Variants in MAGI1 observed in about 807,000 individuals in gnomAD.
MAGI1 encodes the protein membrane associated guanylate kinase, WW and PDZ domain containing 1.
Under a neutral mutation model 139.9 loss-of-function variants are expected in MAGI1, and 58 were observed. That is an observed-to-expected ratio of 0.41 (90% CI 0.34 to 0.52). MAGI1 has a LOEUF of 0.52. Among genes scored for constraint, MAGI1 ranks in the 20% least tolerant of loss-of-function variants. The pLI is 0.12. For synonymous variants in MAGI1, 812 were observed against 737.9 expected (o/e 1.10, Z -1.63); for missense variants, 1,874 against 1,901.6 (o/e 0.99, Z 0.27).
At chr3:65,681,855 T>C (rs537364158) in intron 1 of MAGI1, among the ~76,000 whole-genome samples, 3 of 152,152 alleles carry the variant, frequency 2.0e-5, no homozygotes, top group Non-Finnish European at 2.9e-5. Context: ...TTGGCTTTTT[T>C]TGTTTTTTTG....
intron 2 of MAGI1, among the ~76,000 whole-genome samples, chr3:65,559,762 C>T (rs2080252208): frequency 6.6e-6 from 1 of 152,202 alleles, no homozygotes; most frequent in Non-Finnish European, 1.5e-5. Context: ...CTTGGCCTGG[C>T]ATGGTGGCTC....
intron 1 of MAGI1, chr3:65,844,088 G>C: frequency 2.0e-6 from 1 of 493,940 alleles, no homozygotes; most frequent in South Asian, 1.5e-5. Context: ...CAACAGTGGA[G>C]TTGGTAGGTG....
intron 1 of MAGI1, among the ~76,000 whole-genome samples, chr3:65,736,265 T>C (rs960720758): frequency 1.3e-5 from 2 of 152,188 alleles, no homozygotes; most frequent in Non-Finnish European, 2.9e-5. Flanking sequence ...CTATGTGGGA[T>C]CTTCCAGTGG....
chr3:65,849,001 C>CTTTTTTTTTTTTTTTTTT (rs558270441), intron 1 of MAGI1, among the ~76,000 whole-genome samples: 4 of 39,644 alleles, frequency 1.0e-4, no homozygotes, highest in Non-Finnish European at 1.4e-4. Flanking sequence ...TCAGAGCATT[C>CTTTTTTTTTTTTTTTTTT]TTTTTTTTTT....
At chr3:65,965,448 A>C (rs2064692428) in intron 1 of MAGI1, among the ~76,000 whole-genome samples, 1 of 152,250 alleles carries the variant, frequency 6.6e-6, no homozygotes, top group Non-Finnish European at 1.5e-5. Context: ...ATTGAAAGCA[A>C]AATCTTGCCA....
At chr3:65,652,878 CT>C (rs2085663523) in intron 1 of MAGI1, among the ~76,000 whole-genome samples, 1 of 152,108 alleles carries the variant, frequency 6.6e-6, no homozygotes, top group Non-Finnish European at 1.5e-5. Flanking sequence ...TGGGGCATAC[CT>C]GAGAAAGCCA....
chr3:65,728,286 G>A (rs999440496), intron 1 of MAGI1, among the ~76,000 whole-genome samples: 1 of 152,148 alleles, frequency 6.6e-6, no homozygotes, highest in African/African-American at 2.4e-5. Flanking sequence ...AGGATGATTG[G>A]AGCTGGAGCA....
At chr3:65,609,358 A>T (rs1426322128) in intron 2 of MAGI1, among the ~76,000 whole-genome samples, 2 of 151,458 alleles carry the variant, frequency 1.3e-5, no homozygotes, top group East Asian at 3.9e-4. Flanking sequence ...ACTCACTGCA[A>T]CCTCTGCCTC....
intron 22 of MAGI1, among the ~76,000 whole-genome samples, chr3:65,358,591 A>C (rs2106691578): frequency 6.6e-6 from 1 of 152,310 alleles, no homozygotes; most frequent in African/African-American, 2.4e-5. Flanking sequence ...TGGTATAAAA[A>C]CACAGGCAAC....
At chr3:65,623,398 T>A (rs1375232040) in intron 1 of MAGI1, among the ~76,000 whole-genome samples, 1 of 152,132 alleles carries the variant, frequency 6.6e-6, no homozygotes, top group Non-Finnish European at 1.5e-5. Context: ...AGAGATACAT[T>A]TGAAAAAATC....
chr3:65,767,217 G>A (rs1316514855), intron 1 of MAGI1, among the ~76,000 whole-genome samples: 1 of 152,058 alleles, frequency 6.6e-6, no homozygotes, highest in African/African-American at 2.4e-5. Context: ...ACCCAAGCAA[G>A]AGTGTTATCC....
intron 8 of MAGI1, among the ~76,000 whole-genome samples, chr3:65,441,955 C>G (rs994556050): frequency 1.3e-5 from 2 of 152,110 alleles, no homozygotes; most frequent in African/African-American, 4.8e-5. Flanking sequence ...GAAAATATGA[C>G]AGTTACATCT....
At chr3:65,537,083 C>G (rs894524239) in intron 2 of MAGI1, among the ~76,000 whole-genome samples, 3 of 152,146 alleles carry the variant, frequency 2.0e-5, no homozygotes, top group Admixed American at 6.5e-5. Context: ...TCATAAAACT[C>G]AAGTCCTTTA....
At chr3:65,886,740 T>G (rs952941025) in intron 1 of MAGI1, among the ~76,000 whole-genome samples, 1 of 152,216 alleles carries the variant, frequency 6.6e-6, no homozygotes, top group Non-Finnish European at 1.5e-5. Context: ...CGTAGGACTG[T>G]TACATGGCTA....
At chr3:65,370,047 A>G (rs1941830488) in intron 18 of MAGI1, among the ~76,000 whole-genome samples, 1 of 152,220 alleles carries the variant, frequency 6.6e-6, no homozygotes, top group Non-Finnish European at 1.5e-5. Context: ...ACTGAACTGT[A>G]ATGCTCACTC....
intron 1 of MAGI1, among the ~76,000 whole-genome samples, chr3:65,719,480 C>T (rs2032734011): frequency 6.6e-6 from 1 of 151,548 alleles, no homozygotes; most frequent in South Asian, 2.1e-4. Flanking sequence ...AATAAATATT[C>T]ATCTATAACA....
chr3:65,815,358 T>C (rs369925760), intron 1 of MAGI1, among the ~76,000 whole-genome samples: 38 of 152,288 alleles, frequency 2.5e-4, no homozygotes, highest in African/African-American at 8.7e-4. Flanking sequence ...TTTTCATTCA[T>C]TCCAACTGAG....
intron 1 of MAGI1, among the ~76,000 whole-genome samples, chr3:65,897,826 G>A (rs12496737): frequency 0.45 from 68,413 of 150,540 alleles, 15,652 homozygotes; most frequent in South Asian, 0.65. Flanking sequence ...TAGCACCACC[G>A]CACTCCAGCC....
intron 18 of MAGI1, among the ~76,000 whole-genome samples, chr3:65,366,858 G>A (rs1281004064): frequency 6.6e-6 from 1 of 152,076 alleles, no homozygotes; most frequent in Admixed American, 6.6e-5. Context: ...TTTTAATGAC[G>A]CTATTTTAAC....
Sources: gnomAD v4.1 joint callset for allele counts (sites outside exome capture counted in the v4.1 genomes callset) on GRCh38, gnomAD v4.1.1 for gene constraint, MANE v1.5 for transcripts, NCBI Gene and HGNC (gene_info 2026-07-23, HGNC 2026-07-21) for gene names.